SPPL2A: variants seen among roughly 807,000 people sequenced by gnomAD.
The protein encoded by SPPL2A is signal peptide peptidase like 2A.
A neutral mutation model predicts 63.8 loss-of-function variants in SPPL2A; 51 were observed. That is an observed-to-expected ratio of 0.80 (90% CI 0.64 to 1.01). The LOEUF (loss-of-function observed/expected upper bound fraction) is 1.01. SPPL2A is among the 50% of genes least tolerant of loss of function. The pLI, the probability that SPPL2A is intolerant of heterozygous loss-of-function variation, is 0.00. For synonymous variants in SPPL2A, 188 were observed against 205.8 expected (o/e 0.91, Z 0.74); for missense variants, 553 against 622.7 (o/e 0.89, Z 1.19).
intron 6 of SPPL2A, among the ~76,000 whole-genome samples, chr15:50,737,897 C>T (rs943776124): frequency 6.6e-6 from 1 of 151,386 alleles, no homozygotes; most frequent in Non-Finnish European, 1.5e-5. Flanking sequence ...CATGGTGAAA[C>T]CCTGTTTCTA....
chr15:50,733,973 A>G (rs1259284270), intron 8 of SPPL2A, among the ~76,000 whole-genome samples: 1 of 152,144 alleles, frequency 6.6e-6, no homozygotes, highest in Non-Finnish European at 1.5e-5. Context: ...CAAAACTACA[A>G]TGAGATATCA....
At chr15:50,718,784 G>A (rs2141023801) in intron 14 of SPPL2A, among the ~76,000 whole-genome samples, 1 of 152,228 alleles carries the variant, frequency 6.6e-6, no homozygotes, top group Middle Eastern at 3.4e-3. Context: ...TAAATGACAT[G>A]AAAGACCAAG....
intron 5 of SPPL2A, among the ~76,000 whole-genome samples, chr15:50,741,298 T>C (rs921710235): frequency 2.6e-5 from 4 of 151,158 alleles, no homozygotes; most frequent in Non-Finnish European, 4.4e-5. Context: ...GGGCTCAATA[T>C]AAAATTTAGG....
At chr15:50,752,542 AC>A (rs1376339838) in intron 1 of SPPL2A, among the ~76,000 whole-genome samples, 2 of 152,068 alleles carry the variant, frequency 1.3e-5, no homozygotes, top group African/African-American at 2.4e-5. Flanking sequence ...ACATGGTGAA[AC>A]CCTGTCTGTA....
chr15:50,749,963 G>C (rs528653382), intron 1 of SPPL2A: 1 of 561,468 alleles, frequency 1.8e-6, no homozygotes, highest in Non-Finnish European at 3.2e-6. Flanking sequence ...AGGAAGATAG[G>C]TCACTTTCTT....
chr15:50,729,282 T>C (rs1370888593), intron 10 of SPPL2A, among the ~76,000 whole-genome samples: 1 of 152,252 alleles, frequency 6.6e-6, no homozygotes, highest in East Asian at 1.9e-4. Flanking sequence ...TAACCCATAA[T>C]ACTAGTTCTA....
intron 5 of SPPL2A, chr15:50,746,754 A>C (rs2062861580): frequency 7.0e-6 from 1 of 143,432 alleles, no homozygotes; most frequent in African/African-American, 2.7e-5. Flanking sequence ...TGCAACCTCC[A>C]CCTCCCAGGT....
At chr15:50,749,539 G>A (rs1006033737) in intron 2 of SPPL2A, 97 bp downstream of exon 2, 17 of 781,058 alleles carry the variant, frequency 2.2e-5, no homozygotes, top group Non-Finnish European at 3.6e-5. Flanking sequence ...GCCCGCCTTG[G>A]CCTCCCAAAG....
Position 50,713,575 on chromosome 15 carries a change from AT to A in SPPL2A, c.1489-5702del, listed in dbSNP as rs141716345. ...CCACCGCGCCCAGCATTTCCTGAGT[AT>A]TTTTTTTTTAACATCCTGCAAGTTG... On this transcript the variant is annotated intron_variant, in intron 14 of 14. Transcript: ENST00000261854. Among the ~76,000 whole-genome samples, 358 of 149,140 alleles carry A rather than the reference AT, an allele frequency of 2.4e-3. 2 individuals are homozygous for A. The highest frequency in any genetic ancestry group is 7.8e-3 in the African/African-American group (317 of 40,834).
At chr15:50,739,869 T>C (rs1313585170) in intron 5 of SPPL2A, 41 bp from the exon 6 acceptor site, 1 of 1,459,476 alleles carries the variant, frequency 6.9e-7, no homozygotes, top group Admixed American at 2.6e-5. Context: ...CTTAGCCAAG[T>C]ACAGTTATTT....
chr15:50,709,604 A>G (rs938370830), intron 14 of SPPL2A, among the ~76,000 whole-genome samples: 3 of 152,228 alleles, frequency 2.0e-5, no homozygotes, highest in African/African-American at 7.2e-5. Flanking sequence ...AGCCTGGCCA[A>G]CATGGTGAAA....
chr15:50,712,226 TA>T (rs747252066), intron 14 of SPPL2A, among the ~76,000 whole-genome samples: 8 of 152,196 alleles, frequency 5.3e-5, no homozygotes, highest in Admixed American at 1.3e-4. Flanking sequence ...CAGATGTTAG[TA>T]AGTATTTAAA....
intron 14 of SPPL2A, among the ~76,000 whole-genome samples, chr15:50,715,303 A>G (rs2062592356): frequency 6.6e-6 from 1 of 152,062 alleles, no homozygotes. Flanking sequence ...CGGCCTAAGA[A>G]TGAAACTTGG....
At position 50,707,042 on chromosome 15, in the gene SPPL2A, T is replaced by C. The variant is rs1000660342; in HGVS notation, c.*758A>G. 6.6e-5 allele frequency: 10 copies of C among 152,216 alleles called. No homozygotes were observed. The highest frequency in any genetic ancestry group is 5.2e-4 in the Admixed American group (8 of 15,276). 9.4% of individuals were successfully genotyped at this position (152,216 alleles called of 1,614,324 possible). On this transcript the variant is annotated 3_prime_UTR_variant, in exon 15 of 15. Coordinates refer to ENST00000261854, the MANE Select transcript of SPPL2A (RefSeq NM_032802.4). Reference sequence around the variant, plus strand: ...TGTATTTCTAACCTCTGCAGTGATATAAGGTCCAAATTTTCACCGTTGAAC... The same window carrying C: ...TGTATTTCTAACCTCTGCAGTGATACAAGGTCCAAATTTTCACCGTTGAAC...
intron 12 of SPPL2A, among the ~76,000 whole-genome samples, chr15:50,724,917 T>TTATTA (rs1180597863): frequency 1.3e-5 from 2 of 152,220 alleles, no homozygotes; most frequent in Non-Finnish European, 2.9e-5. Context: ...TTGTTTGGCA[T>TTATTA]TATTATATTC....
At chr15:50,757,986 T>A (rs1351795382) in intron 1 of SPPL2A, among the ~76,000 whole-genome samples, 7 of 90,560 alleles carry the variant, frequency 7.7e-5, no homozygotes, top group Admixed American at 1.1e-4. Context: ...TCCGTCTCAA[T>A]TATAAAAAAA....
Position 50,743,754 on chromosome 15 carries a change from A to G in SPPL2A, c.584+3741T>C, listed in dbSNP as rs544605800. Among the ~76,000 whole-genome samples, 6 of 152,356 alleles carry G rather than the reference A, an allele frequency of 3.9e-5. No individual in the cohort carries two copies. The East Asian group carries it at 1.2e-3, about 29-fold the overall frequency. ...TACATGGTAATGGAAGTACAGTAAG[A>G]ATCTATAATAAATAGGAAAACATTT... On this transcript the variant is annotated intron_variant, in intron 5 of 14. Coordinates refer to ENST00000261854, the MANE Select transcript of SPPL2A (RefSeq NM_032802.4).
At chr15:50,763,198 C>CA (rs2063027341) in intron 1 of SPPL2A, among the ~76,000 whole-genome samples, 1 of 151,900 alleles carries the variant, frequency 6.6e-6, no homozygotes, top group Admixed American at 6.6e-5. Context: ...AGACTTCAGA[C>CA]AGAGTTGGAG....
rs1161564762 is a variant in SPPL2A at position 50,704,989 on chromosome 15, T to G, written c.*2811A>C. On this transcript the variant is annotated 3_prime_UTR_variant, in exon 15 of 15. Transcript: ENST00000261854. ...TATGCTACTGAGGAGATACATCTAG[T>G]TGATGAAGTTAAAATATTAATTACT... 1 of 152,208 alleles carries G rather than the reference T, an allele frequency of 6.6e-6. No individual in the cohort carries two copies. The highest frequency in any genetic ancestry group is 1.9e-4 in the East Asian group (1 of 5,198). The allele number at this position is 152,208 out of a possible 1,614,324, so 9.4% of individuals were successfully genotyped here. A position where few individuals can be genotyped will look rare whatever the true frequency, so the allele number is the denominator to read the frequency against.
Sources: gnomAD v4.1 joint callset for allele counts (sites outside exome capture counted in the v4.1 genomes callset) on GRCh38, gnomAD v4.1.1 for gene constraint, MANE v1.5 for transcripts, NCBI Gene and HGNC (gene_info 2026-07-23, HGNC 2026-07-21) for gene names.